ALDH7A1: variants seen among roughly 807,000 people sequenced by gnomAD.
The protein encoded by ALDH7A1 is alpha-aminoadipic semialdehyde dehydrogenase.
A neutral mutation model predicts 79.9 loss-of-function variants in ALDH7A1; 63 were observed. The ratio of observed to expected loss-of-function variants is 0.79; its 90% confidence interval spans 0.64 to 0.97. ALDH7A1 has a LOEUF of 0.97. ALDH7A1 is among the 50% of genes least tolerant of loss of function. ALDH7A1 has a pLI of 0.00. For missense variants in ALDH7A1, 627 were observed against 665.2 expected, an observed-to-expected ratio of 0.94 and a Z score of 0.63; for synonymous variants, 240 against 231.2, an observed-to-expected ratio of 1.04 and a Z score of -0.34.
chr5:126,573,587 A>G (rs927514173), intron 7 of ALDH7A1, among the ~76,000 whole-genome samples: 1 of 151,756 alleles, frequency 6.6e-6, no homozygotes, highest in Non-Finnish European at 1.5e-5. Context: ...AGTCCCAGCC[A>G]CTCGGGAGGC....
rs35559498 is a variant in ALDH7A1, at chr5:126,558,166, CAAAAAAAAAAAAAAA to C, written c.1008+1059_1008+1073del. On this transcript the variant is annotated intron_variant, in intron 11 of 17. Coordinates refer to ENST00000409134, the MANE Select transcript of ALDH7A1 (RefSeq NM_001182.5). ...TGGGCAACAGAGCGAGACTCCAACT[CAAAAAAAAAAAAAAA>C]AAAAAAAAAACACAAAAACAAAACA... Among the ~76,000 whole-genome samples, 146 of 75,438 alleles carry C rather than the reference CAAAAAAAAAAAAAAA, an allele frequency of 1.9e-3. 1 individual carries two copies. Among genetic ancestry groups the C allele is most frequent in the African/African-American group, 7.2e-3 (132 of 18,208 alleles). The allele number at this position is 75,438 out of a possible 152,430, so 49.5% of individuals were successfully genotyped here.
intron 5 of ALDH7A1, among the ~76,000 whole-genome samples, chr5:126,582,340 T>C (rs974529897): frequency 1.3e-5 from 2 of 152,180 alleles, no homozygotes; most frequent in African/African-American, 4.8e-5. Flanking sequence ...AATAAGTAAA[T>C]AAAATCCTCC....
rs1751060986 is a variant in ALDH7A1, at chr5:126,578,633, T to C, written c.518-1422A>G. On this transcript the variant is annotated intron_variant, in intron 5 of 17. Transcript: ENST00000409134. ...CAGCCTGGACAACAGAGTAAGACCC[T>C]GTATCAAAAAAAAAAAAAAAAAGAA... Among the ~76,000 whole-genome samples the C allele has an allele frequency of 2.6e-5, 3 of 117,468 alleles. 1 individual carries two copies. Among genetic ancestry groups the C allele is most frequent in the African/African-American group, 1.2e-4 (3 of 24,850 alleles). The allele number at this position is 117,468 out of a possible 152,430, so 77.1% of individuals were successfully genotyped here.
chr5:126,584,441 CA>C (rs1445694419), intron 3 of ALDH7A1: 3 of 215,042 alleles, frequency 1.4e-5, no homozygotes, highest in Non-Finnish European at 2.8e-5. Context: ...GCGGGCAGAT[CA>C]CAAGGTCAGG....
Position 126,545,015 on chromosome 5 carries a change from T to C in ALDH7A1, c.1570A>G (p.Ile524Val), listed in dbSNP as rs765681480. The C allele has an allele frequency of 1.0e-5, 16 of 1,607,196 alleles. No individual in the cohort carries two copies. Among genetic ancestry groups the C allele is most frequent in the Non-Finnish European group, 1.3e-5 (15 of 1,173,778 alleles). ...AGAGGAAGGTCTTTACTGTAGTTGA[T>C]AGTACTAGTGGGAAAAAATAACAGA... ...KQYMRRSTCT[I>V]NYSKDLPLAQ... The change falls in exon 18 of 18, where the codon ATC becomes GTC. Residue 524 changes from isoleucine (I) to valine (V), a missense_variant. Transcript: ENST00000409134.
At chr5:126,565,379 C>T (rs1019791660) in intron 9 of ALDH7A1, among the ~76,000 whole-genome samples, 21 of 107,688 alleles carry the variant, frequency 2.0e-4, no homozygotes, top group South Asian at 6.5e-4. Flanking sequence ...GGCAACAGAG[C>T]GTGAGATTCC....
chr5:126,545,469 G>C (rs894481526), intron 17 of ALDH7A1, among the ~76,000 whole-genome samples: 1 of 150,296 alleles, frequency 6.7e-6, no homozygotes, highest in East Asian at 2.0e-4. Context: ...CACCATGTTG[G>C]CCAGGCTGGT....
In ALDH7A1 at chr5:126,559,330, A is replaced by G; in HGVS notation, c.918T>C (p.Phe306=). The part of the protein sequence containing the change: ...ELGGNNAIIA[F]EDADLSLVVP... ...CAACTAAGCTGAGGTCTGCATCTTC[A>G]AAGGCTTAGGAAAGCACAAACACTT... Residue 306 remains phenylalanine, a synonymous_variant, in exon 11 of 18, where the codon TTT becomes TTC. Transcript: ENST00000409134. 1 of 1,613,638 alleles carries G rather than the reference A, an allele frequency of 6.2e-7. No homozygotes were observed. Among genetic ancestry groups the G allele is most frequent in the Non-Finnish European group, 8.5e-7 (1 of 1,179,638 alleles).
At chr5:126,570,245 A>G in intron 8 of ALDH7A1, 1 of 159,124 alleles carries the variant, frequency 6.3e-6, no homozygotes, top group Non-Finnish European at 1.4e-5. Flanking sequence ...AATACTCTGA[A>G]TATTTTAAAA....
At chr5:126,547,381 G>A (rs1749824288) in intron 16 of ALDH7A1, among the ~76,000 whole-genome samples, 1 of 152,208 alleles carries the variant, frequency 6.6e-6, no homozygotes, top group Non-Finnish European at 1.5e-5. Flanking sequence ...TCTCCCAAGA[G>A]ACTCCCTATC....
chr5:126,555,237 C>T (rs1750148558), intron 12 of ALDH7A1: 1 of 153,452 alleles, frequency 6.5e-6, no homozygotes, highest in Non-Finnish European at 1.4e-5. Context: ...AATCTTAGCA[C>T]TTTGGGAGGC....
chr5:126,594,398 T>A (rs1751666803), intron 1 of ALDH7A1: 1 of 367,006 alleles, frequency 2.7e-6, no homozygotes, highest in African/African-American at 2.1e-5. Flanking sequence ...GTGTGCCACA[T>A]TTCTCACAAG....
intron 11 of ALDH7A1, among the ~76,000 whole-genome samples, chr5:126,558,190 A>C (rs1406941220): frequency 3.7e-5 from 5 of 134,314 alleles, no homozygotes; most frequent in East Asian, 2.2e-4. Context: ...AAAAAAAAAA[A>C]ACACAAAAAC....
rs796052256 is a variant in ALDH7A1, at chr5:126,583,960, C to T, written c.365G>A (p.Arg122Gln). Residue 122 changes from arginine to glutamine, a missense_variant, in exon 4 of 18, where the codon CGG becomes CAG. Coordinates refer to ENST00000409134, the MANE Select transcript of ALDH7A1 (RefSeq NM_001182.5). ...EIVRQIGDAL[R>Q]EKIQVLGSLV... ...GCTTCCTAGTACTTGGATCTTCTCCCGCAAGGCATCGCCAATCTGTCTTAC... is the reference window on the plus strand; with the variant it reads ...GCTTCCTAGTACTTGGATCTTCTCCTGCAAGGCATCGCCAATCTGTCTTAC... 9 of 1,614,046 alleles carry T rather than the reference C, an allele frequency of 5.6e-6. No individual in the cohort carries two copies. Among genetic ancestry groups the T allele is most frequent in the Middle Eastern group, 1.6e-4 (1 of 6,084 alleles).
intron 5 of ALDH7A1, among the ~76,000 whole-genome samples, chr5:126,579,489 G>T (rs985173903): frequency 1.3e-5 from 2 of 152,042 alleles, no homozygotes; most frequent in African/African-American, 4.8e-5. Context: ...CCACTCTAAG[G>T]TATAATTTAT....
At position 126,556,638 on chromosome 5, in the gene ALDH7A1, T is replaced by C. The variant is rs111676389; in HGVS notation, c.1009-623A>G. On this transcript the variant is annotated intron_variant, in intron 11 of 17. Transcript: ENST00000409134. ...CCTCAAGTACATGTGTCCCATACTG[T>C]AACCCTAAGTCCCAGTGAACACAGA... is the stretch of plus-strand genomic sequence containing the variant. Among the ~76,000 whole-genome samples the C allele has an allele frequency of 5.9e-3, 893 of 152,330 alleles. 8 individuals are homozygous for C. The highest frequency in any genetic ancestry group is 0.02 in the African/African-American group (830 of 41,570).
At chr5:126,551,422 C>T (rs534626228) in intron 14 of ALDH7A1, among the ~76,000 whole-genome samples, 5 of 151,780 alleles carry the variant, frequency 3.3e-5, no homozygotes, top group Admixed American at 2.0e-4. Context: ...TCAAGTGATT[C>T]TCCTGCCTCA....
intron 12 of ALDH7A1, 88 bp downstream of exon 12, chr5:126,555,843 G>T: frequency 8.9e-7 from 1 of 1,119,728 alleles, no homozygotes; most frequent in Non-Finnish European, 1.3e-6. Context: ...TCAGGAAAGG[G>T]AAAGAAACTC....
chr5:126,552,060 T>C lies in ALDH7A1; in HGVS notation c.1278A>G (p.Thr426=). ...CATAGAGAATCGGAGCAAAAGTCTCTGTGTGTGCAATGGACGCATCGTGGC... is the reference window on the plus strand; with the variant it reads ...CATAGAGAATCGGAGCAAAAGTCTCCGTGTGTGCAATGGACGCATCGTGGC... The part of the protein sequence containing the change: ...GLGHDASIAH[T]ETFAPILYVF... Residue 426 remains threonine, a synonymous_variant, in exon 14 of 18, where the codon ACA becomes ACG. Coordinates refer to ENST00000409134, the MANE Select transcript of ALDH7A1 (RefSeq NM_001182.5). 6.2e-7 allele frequency: 1 copy of C among 1,614,050 alleles called. No homozygotes were observed. The highest frequency in any genetic ancestry group is 8.5e-7 in the Non-Finnish European group (1 of 1,179,992).
Sources: gnomAD v4.1 joint callset for allele counts (sites outside exome capture counted in the v4.1 genomes callset) on GRCh38, gnomAD v4.1.1 for gene constraint, MANE v1.5 for transcripts, NCBI Gene and HGNC (gene_info 2026-07-23, HGNC 2026-07-21) for gene names.